GAB4: variants seen among roughly 807,000 people sequenced by gnomAD.
GAB4 encodes the protein GRB2 associated binding protein family member 4, also known as GRB2-associated-binding protein 4.
GAB4 carries 26 observed loss-of-function variants against 51.3 expected under a neutral mutation model. The ratio of observed to expected loss-of-function variants is 0.51; its 90% CI spans 0.37 to 0.70. The LOEUF (loss-of-function observed/expected upper bound fraction) is 0.70. Ranked by LOEUF, GAB4 falls within the 30% of genes least tolerant of loss-of-function variation. The pLI is 0.00. For synonymous variants in GAB4, 329 were observed against 291.2 expected (o/e 1.13, Z -1.32); for missense variants, 759 against 734.6 (o/e 1.03, Z -0.38).
chr22:16,982,349 A>G (rs1118499), intron 3 of GAB4, among the ~76,000 whole-genome samples: 3,365 of 152,368 alleles, frequency 0.022, 58 homozygotes, highest in Middle Eastern at 0.068. Flanking sequence ...CAAAATCAAT[A>G]TGTAAAAATC....
chr22:16,996,540 T>C (rs946964630), intron 1 of GAB4, among the ~76,000 whole-genome samples: 3 of 151,672 alleles, frequency 2.0e-5, no homozygotes, highest in African/African-American at 7.3e-5. Context: ...AGGGAAAAAA[T>C]GGTAAGGGCA....
At chr22:16,978,060 A>G (rs2060794236) in intron 3 of GAB4, among the ~76,000 whole-genome samples, 1 of 69,712 alleles carries the variant, frequency 1.4e-5, no homozygotes. Flanking sequence ...ACAGCACTAA[A>G]GGCCCATAAG....
intron 6 of GAB4, 151 bp from the exon 7 acceptor site, chr22:16,965,419 A>G: frequency 1.5e-6 from 1 of 653,076 alleles, no homozygotes; most frequent in South Asian, 1.8e-5. Flanking sequence ...GCAAGGCTCT[A>G]TCGGCTGGGT....
intron 3 of GAB4, among the ~76,000 whole-genome samples, chr22:16,979,780 G>T (rs1396524791): frequency 6.6e-6 from 1 of 152,114 alleles, no homozygotes; most frequent in Non-Finnish European, 1.5e-5. Context: ...TGAGGCTACA[G>T]GCACCAAAAC....
At chr22:16,966,545 C>G in intron 5 of GAB4, 181 bp from the exon 6 acceptor site, 1 of 656,084 alleles carries the variant, frequency 1.5e-6, no homozygotes, top group Admixed American at 3.0e-5. Context: ...GTGCCCCAGC[C>G]AGGAACCCCA....
chr22:16,983,315 C>T (rs2060841755), intron 3 of GAB4, among the ~76,000 whole-genome samples: 1 of 152,140 alleles, frequency 6.6e-6, no homozygotes, highest in South Asian at 2.1e-4. Context: ...TTTTCTCATT[C>T]CTTTCACTCC....
intron 1 of GAB4, among the ~76,000 whole-genome samples, chr22:17,003,516 A>C (rs531016306): frequency 6.6e-6 from 1 of 152,376 alleles, no homozygotes; most frequent in African/African-American, 2.4e-5. Context: ...AGAACTCAGG[A>C]TTAAGAAACT....
chr22:16,976,105 C>T (rs2060775608), intron 3 of GAB4, among the ~76,000 whole-genome samples: 1 of 152,150 alleles, frequency 6.6e-6, no homozygotes, highest in African/African-American at 2.4e-5. Context: ...AAAGCCAGAA[C>T]ACCTCTTCTC....
chr22:16,978,392 T>C (rs11703771), intron 3 of GAB4, among the ~76,000 whole-genome samples: 3,365 of 152,204 alleles, frequency 0.022, 57 homozygotes, highest in Middle Eastern at 0.068. Context: ...CATCAGAGGA[T>C]ACTATAAACA....
At chr22:17,004,168 G>T (rs2061020454) in intron 1 of GAB4, among the ~76,000 whole-genome samples, 2 of 152,148 alleles carry the variant, frequency 1.3e-5, no homozygotes, top group African/African-American at 4.8e-5. Context: ...TTCTGAAATT[G>T]AAGCAATAAT....
chr22:16,971,195 G>A (rs2060728829), intron 3 of GAB4, among the ~76,000 whole-genome samples: 1 of 152,110 alleles, frequency 6.6e-6, no homozygotes, highest in African/African-American at 2.4e-5. Flanking sequence ...CCCTACCTCG[G>A]AAAAAGAAAA....
intron 3 of GAB4, among the ~76,000 whole-genome samples, chr22:16,982,988 T>A (rs1408003018): frequency 4.6e-5 from 7 of 152,228 alleles, no homozygotes; most frequent in Non-Finnish European, 7.3e-5. Context: ...AAACCCCTAG[T>A]GGCCTCTGGA....
intron 1 of GAB4, among the ~76,000 whole-genome samples, chr22:17,005,417 C>T (rs764390875): frequency 1.3e-5 from 2 of 152,176 alleles, no homozygotes; most frequent in Non-Finnish European, 2.9e-5. Flanking sequence ...GTGAAAACGG[C>T]CATACTGCCC....
intron 1 of GAB4, among the ~76,000 whole-genome samples, chr22:16,998,965 C>G (rs1239300419): frequency 6.6e-6 from 1 of 152,094 alleles, no homozygotes; most frequent in African/African-American, 2.4e-5. Flanking sequence ...TATGTTGAAC[C>G]AGCCTTGCAT....
At chr22:16,966,409 A>G (rs1402083884) in intron 5 of GAB4, 45 bp from the exon 6 acceptor site, 1 of 1,576,696 alleles carries the variant, frequency 6.3e-7, no homozygotes, top group Non-Finnish European at 8.6e-7. Context: ...ACCAGCAAGA[A>G]CAAGATAGGA....
chr22:16,978,254 G>C (rs2060796878), intron 3 of GAB4, among the ~76,000 whole-genome samples: 1 of 151,952 alleles, frequency 6.6e-6, no homozygotes, highest in Non-Finnish European at 1.5e-5. Flanking sequence ...CTGTCTTTTG[G>C]AAAAGATTAA....
chr22:16,966,257 A>T lies in GAB4; in HGVS notation c.1131T>A (p.Asp377Glu). 6.2e-7 allele frequency: 1 copy of T among 1,614,018 alleles called. No homozygotes were observed. Among genetic ancestry groups the T allele is most frequent in the Non-Finnish European group, 8.5e-7 (1 of 1,180,018 alleles). Residue 377 changes from aspartate (D) to glutamate (E), a missense_variant, in exon 6 of 10, where the codon GAT becomes GAA. Asp to Glu is a conservative substitution (Grantham distance 45, BLOSUM62 2). This residue lies in a region of GAB4 where 588 missense variants were observed against 510.2 expected (regional missense o/e 1.15). Transcript: ENST00000400588. Reference protein sequence around the residue: ...PTLPAVKQAGDDSQGVCIPVG... With the variant: ...PTLPAVKQAGEDSQGVCIPVG... ...CAGGGATGCAGACACCCTGGGAATC[A>T]TCGCCTGCTTGCTTCACAGCCGGCA...
chr22:16,997,273 C>G (rs1258594704), intron 1 of GAB4, among the ~76,000 whole-genome samples: 1 of 152,134 alleles, frequency 6.6e-6, no homozygotes, highest in Admixed American at 6.6e-5. Context: ...GTGTAAAAGC[C>G]TTCCTATTTC....
chr22:16,982,736 T>C (rs1466083744), intron 3 of GAB4, among the ~76,000 whole-genome samples: 4 of 152,216 alleles, frequency 2.6e-5, no homozygotes, highest in Non-Finnish European at 4.4e-5. Flanking sequence ...AGGAATCATA[T>C]TACCTGACTT....
Sources: allele counts gnomAD v4.1 joint callset (sites outside exome capture counted in the v4.1 genomes callset), GRCh38; gene constraint gnomAD v4.1.1; regional missense constraint gnomAD v4.1.1; transcripts MANE v1.5; gene names NCBI Gene and HGNC (gene_info 2026-07-23, HGNC 2026-07-21).